Variants in PIBF1 observed in about 807,000 individuals in gnomAD.
The protein encoded by PIBF1 is progesterone-induced-blocking factor 1.
A neutral mutation model predicts 112.5 loss-of-function variants in PIBF1; 90 were observed. The observed-to-expected ratio is 0.80, with a 90% CI of 0.67 to 0.95. The LOEUF is 0.95. Ranked by LOEUF, PIBF1 falls within the 40% of genes least tolerant of loss-of-function variation. The pLI is 0.00. For synonymous variants in PIBF1, 301 were observed against 288.6 expected (o/e 1.04, Z -0.44); for missense variants, 915 against 852.3 (o/e 1.07, Z -0.92).
chr13:72,801,196 G>C (rs913169886), intron 5 of PIBF1, among the ~76,000 whole-genome samples: 1 of 152,122 alleles, frequency 6.6e-6, no homozygotes, highest in Non-Finnish European at 1.5e-5. Flanking sequence ...AAAGTTGCAG[G>C]ATTTTGGAAA....
At chr13:72,914,864 G>A (rs1484590244) in intron 12 of PIBF1, among the ~76,000 whole-genome samples, 1 of 152,148 alleles carries the variant, frequency 6.6e-6, no homozygotes, top group African/African-American at 2.4e-5. Context: ...ATAGGCATAA[G>A]CCACCATGCA....
At chr13:72,845,084 C>G (rs2037808680) in intron 9 of PIBF1, among the ~76,000 whole-genome samples, 1 of 151,834 alleles carries the variant, frequency 6.6e-6, no homozygotes, top group South Asian at 2.1e-4. Context: ...ACGGGTCCAT[C>G]TAGGTTTTAA....
intron 11 of PIBF1, among the ~76,000 whole-genome samples, chr13:72,894,771 T>TTGTG (rs1225760098): frequency 1.2e-4 from 12 of 96,152 alleles, no homozygotes; most frequent in African/African-American, 3.2e-4. Flanking sequence ...TATATATATA[T>TTGTG]AGTGTGTGTG....
chr13:72,790,444 C>CAT (rs1172273083), intron 2 of PIBF1, among the ~76,000 whole-genome samples: 4 of 150,078 alleles, frequency 2.7e-5, no homozygotes, highest in Non-Finnish European at 5.9e-5. Context: ...CACACACACA[C>CAT]ACACACACAC....
chr13:72,898,496 A>G (rs975905721), intron 11 of PIBF1, among the ~76,000 whole-genome samples: 2 of 151,944 alleles, frequency 1.3e-5, no homozygotes, highest in African/African-American at 4.8e-5. Context: ...AAAGAAATAC[A>G]CAAGGTAAAT....
At chr13:72,985,880 T>G (rs971637640) in intron 16 of PIBF1, among the ~76,000 whole-genome samples, 2 of 151,944 alleles carry the variant, frequency 1.3e-5, no homozygotes, top group African/African-American at 4.8e-5. Context: ...TCCAGCACAG[T>G]GGGTCACACC....
intron 17 of PIBF1, among the ~76,000 whole-genome samples, chr13:73,005,012 C>A (rs1487855115): frequency 1.3e-5 from 2 of 152,046 alleles, no homozygotes; most frequent in African/African-American, 4.8e-5. Context: ...TGGAGAAATC[C>A]CGTCTCTACT....
chr13:72,992,606 C>A (rs1281356400), intron 16 of PIBF1, among the ~76,000 whole-genome samples: 1 of 152,006 alleles, frequency 6.6e-6, no homozygotes, highest in Non-Finnish European at 1.5e-5. Flanking sequence ...CCAGCCTGCG[C>A]AACATGGTGA....
intron 10 of PIBF1, among the ~76,000 whole-genome samples, chr13:72,859,012 T>C (rs2038573651): frequency 6.6e-6 from 1 of 152,218 alleles, no homozygotes. Context: ...TACTTGACTT[T>C]TTTTAACTAT....
intron 9 of PIBF1, among the ~76,000 whole-genome samples, chr13:72,839,529 T>A (rs2037510598): frequency 6.6e-6 from 1 of 152,162 alleles, no homozygotes; most frequent in Admixed American, 6.5e-5. Context: ...GTATAGATAG[T>A]ATTATTACTA....
chr13:72,993,058 A>T (rs2043530281), intron 16 of PIBF1, among the ~76,000 whole-genome samples: 1 of 152,218 alleles, frequency 6.6e-6, no homozygotes, highest in Non-Finnish European at 1.5e-5. Flanking sequence ...AGTAGGCCAG[A>T]TGCAGTGGCT....
chr13:72,969,957 A>T (rs915518400), intron 15 of PIBF1, among the ~76,000 whole-genome samples: 1 of 152,204 alleles, frequency 6.6e-6, no homozygotes, highest in African/African-American at 2.4e-5. Context: ...CTTAGAAAAC[A>T]TAAACAGGAA....
chr13:72,826,737 G>A (rs753304108), intron 6 of PIBF1, among the ~76,000 whole-genome samples: 1 of 152,040 alleles, frequency 6.6e-6, no homozygotes, highest in Non-Finnish European at 1.5e-5. Flanking sequence ...AATACCAAAT[G>A]TATGTTAGTA....
chr13:72,821,992 TA>T lies in PIBF1; in HGVS notation c.806+14del. 1.2e-6 allele frequency: 2 copies of T among 1,602,644 alleles called. No individual in the cohort carries two copies. Among genetic ancestry groups the T allele is most frequent in the Admixed American group, 1.7e-5 (1 of 57,840 alleles). ...ATGATAAAGTCAAGAGGTAAGTAGT[TA>T]AAATGGCTGCAGTAGTAGTTCTCTA... On this transcript the variant is annotated intron_variant, in intron 6 of 17. Coordinates refer to ENST00000326291, the MANE Select transcript of PIBF1 (RefSeq NM_006346.4).
In PIBF1 at chr13:72,783,676, G is replaced by C. The variant is rs2034428468; in HGVS notation, c.207G>C (p.Gln69His). 2 of 1,613,834 alleles carry C rather than the reference G, an allele frequency of 1.2e-6. No individual in the cohort carries two copies. Among genetic ancestry groups the C allele is most frequent in the African/African-American group, 1.3e-5 (1 of 74,920 alleles). ...AGTTACTAAAAATTGAGCTATCCCA[G>C]AAAACTATGATGATCGACAATTTGA... Reference protein sequence around the residue: ...NIQLLKIELSQKTMMIDNLKV... With the variant: ...NIQLLKIELSHKTMMIDNLKV... The change falls in exon 2 of 18, where the codon CAG (glutamine) becomes CAC (histidine). Residue 69 changes from glutamine to histidine, a missense_variant. Transcript: ENST00000326291.
intron 16 of PIBF1, among the ~76,000 whole-genome samples, chr13:72,976,319 G>A (rs1345343675): frequency 6.6e-6 from 1 of 151,790 alleles, no homozygotes; most frequent in Non-Finnish European, 1.5e-5. Flanking sequence ...TTAGAGGGAA[G>A]GAGAGGAAGA....
intron 14 of PIBF1, among the ~76,000 whole-genome samples, chr13:72,960,826 C>G (rs946111043): frequency 1.3e-5 from 2 of 151,980 alleles, no homozygotes; most frequent in Admixed American, 1.3e-4. Flanking sequence ...TTTGAATGTT[C>G]ATAAAGTAAC....
At position 72,883,323 on chromosome 13, in the gene PIBF1, G is replaced by T. The variant is rs991141504; in HGVS notation, c.1323-10461G>T. 3.3e-5 allele frequency among the ~76,000 whole-genome samples: 5 copies of T among 152,130 alleles called. 1 individual carries two copies. Among genetic ancestry groups the T allele is most frequent in the African/African-American group, 1.2e-4 (5 of 41,424 alleles). Reference sequence around the variant, plus strand: ...CATAGAGATAGAAAGTAGAATGATGGTAACCAGAGACTGGGAAGGGTAGTT... The same window carrying T: ...CATAGAGATAGAAAGTAGAATGATGTTAACCAGAGACTGGGAAGGGTAGTT... On this transcript the variant is annotated intron_variant, in intron 10 of 17. Coordinates refer to ENST00000326291, the MANE Select transcript of PIBF1 (RefSeq NM_006346.4).
intron 10 of PIBF1, among the ~76,000 whole-genome samples, chr13:72,886,878 AC>A (rs2039879815): frequency 6.6e-6 from 1 of 152,070 alleles, no homozygotes; most frequent in Non-Finnish European, 1.5e-5. Flanking sequence ...TTGGAGAAAT[AC>A]CCAAACTTCT....
Sources: gnomAD v4.1 joint callset for allele counts (sites outside exome capture counted in the v4.1 genomes callset) on GRCh38, gnomAD v4.1.1 for gene constraint, MANE v1.5 for transcripts, NCBI Gene and HGNC (gene_info 2026-07-23, HGNC 2026-07-21) for gene names.